Variants in GSTT4 observed in about 807,000 individuals in gnomAD.
The protein encoded by GSTT4 is glutathione S-transferase theta 4.
downstream of GSTT4, among the ~76,000 whole-genome samples, chr22:23,994,598 C>T (rs2034098080): frequency 6.7e-6 from 1 of 148,666 alleles, no homozygotes; most frequent in Non-Finnish European, 1.5e-5. Flanking sequence ...TATAACGGTA[C>T]TTCATCCCTT....
chr22:23,990,453 C>CAAA, the GSTT4 span, among the ~76,000 whole-genome samples: 4 of 29,972 alleles, frequency 1.3e-4, 1 homozygote, highest in East Asian at 5.6e-4. Context: ...CTACACACAC[C>CAAA]AAAAAAAAAA....
the GSTT4 span, among the ~76,000 whole-genome samples, chr22:23,993,053 G>T: frequency 7.2e-6 from 1 of 139,094 alleles, no homozygotes; most frequent in African/African-American, 2.6e-5. Flanking sequence ...GATTATAGGT[G>T]TGATCCACCA....
At chr22:23,994,508 T>G (rs390743), downstream of GSTT4, among the ~76,000 whole-genome samples, 97,382 of 140,970 alleles carry the variant, frequency 0.69, 32,726 homozygotes, top group African/African-American at 0.79. Context: ...CATTCAAATG[T>G]AATAATGAAA....
At chr22:24,001,881 C>T (rs1252053903) in intron 2 of GSTT4, among the ~76,000 whole-genome samples, 2 of 152,254 alleles carry the variant, frequency 1.3e-5, no homozygotes, top group Non-Finnish European at 2.9e-5. Context: ...ATCCCAGCTA[C>T]TTGGGAAGCT....
At chr22:23,994,295 A>G (rs1035751534), downstream of GSTT4, among the ~76,000 whole-genome samples, 5 of 151,972 alleles carry the variant, frequency 3.3e-5, no homozygotes, top group Non-Finnish European at 7.4e-5. Flanking sequence ...ATTGGTTTAA[A>G]GCCAATTCAG....
downstream of GSTT4, among the ~76,000 whole-genome samples, chr22:23,997,811 A>G (rs149900717): frequency 3.9e-3 from 589 of 152,212 alleles, 5 homozygotes; most frequent in Middle Eastern, 0.017. Flanking sequence ...ACAGCTATAA[A>G]TTTTGCTCTT....
At chr22:24,003,493 G>A (rs887833054) in intron 2 of GSTT4, among the ~76,000 whole-genome samples, 1 of 152,274 alleles carries the variant, frequency 6.6e-6, no homozygotes, top group Non-Finnish European at 1.5e-5. Context: ...AGAATTACAG[G>A]CATGAGCTGG....
chr22:23,992,257 C>T, the GSTT4 span, among the ~76,000 whole-genome samples: 8 of 141,918 alleles, frequency 5.6e-5, no homozygotes, highest in Admixed American at 7.3e-5. Flanking sequence ...GCTAACGCCT[C>T]CCCGAGATGG....
downstream of GSTT4, among the ~76,000 whole-genome samples, chr22:23,993,791 G>C (rs1196660041): frequency 6.6e-6 from 1 of 152,208 alleles, no homozygotes; most frequent in East Asian, 1.9e-4. Context: ...GCGATCACGT[G>C]ATATACAACA....
At chr22:24,001,777 G>A (rs2034235894) in intron 2 of GSTT4, among the ~76,000 whole-genome samples, 1 of 152,272 alleles carries the variant, frequency 6.6e-6, no homozygotes, top group Non-Finnish European at 1.5e-5. Context: ...CTTGAGGCCA[G>A]GAGTTGGAGA....
At chr22:23,996,469 TGTTA>T (rs1162133013), downstream of GSTT4, among the ~76,000 whole-genome samples, 1 of 152,098 alleles carries the variant, frequency 6.6e-6, no homozygotes, top group Non-Finnish European at 1.5e-5. Flanking sequence ...TGAAGTATGG[TGTTA>T]GTTATAGGTT....
At chr22:24,002,277 A>T (rs1368035679) in intron 2 of GSTT4, among the ~76,000 whole-genome samples, 2 of 151,404 alleles carry the variant, frequency 1.3e-5, no homozygotes, top group Non-Finnish European at 2.9e-5. Context: ...ATGGACAATG[A>T]GGGGGCCAGC....
At chr22:23,990,321 G>C in the GSTT4 span, among the ~76,000 whole-genome samples, 2 of 144,866 alleles carry the variant, frequency 1.4e-5, no homozygotes, top group Non-Finnish European at 3.1e-5. Context: ...AAGTGGAAGA[G>C]ACCCAGGGCC....
the GSTT4 span, among the ~76,000 whole-genome samples, chr22:23,989,391 C>A: frequency 7.5e-6 from 1 of 133,656 alleles, no homozygotes; most frequent in African/African-American, 2.6e-5. Context: ...CATCAGAGGG[C>A]CATCTTTCCT....
chr22:23,995,045 C>T (rs142143908), downstream of GSTT4, among the ~76,000 whole-genome samples: 180 of 152,290 alleles, frequency 1.2e-3, 1 homozygote, highest in African/African-American at 4.1e-3. Flanking sequence ...TCCCTCTGGG[C>T]TCTGGGCTTC....
chr22:23,992,587 C>T, the GSTT4 span, among the ~76,000 whole-genome samples: 1 of 150,992 alleles, frequency 6.6e-6, no homozygotes, highest in Non-Finnish European at 1.5e-5. Context: ...CTGTTGCCAT[C>T]TTAACATTCT....
At chr22:23,992,782 C>CTT in the GSTT4 span, among the ~76,000 whole-genome samples, 126 of 145,142 alleles carry the variant, frequency 8.7e-4, no homozygotes, top group East Asian at 1.8e-3. Context: ...CTCTACTATT[C>CTT]TTTTTTTTTT....
At chr22:24,005,153 T>G (rs1419666281) in intron 1 of GSTT4, 92 bp downstream of exon 1, 1 of 51,936 alleles carries the variant, frequency 1.9e-5, no homozygotes, top group African/African-American at 6.3e-5. Context: ...AGAGCGAGAC[T>G]CCATCAAAAA....
At chr22:23,996,314 A>G (rs2034114452), downstream of GSTT4, among the ~76,000 whole-genome samples, 1 of 152,022 alleles carries the variant, frequency 6.6e-6, no homozygotes. Flanking sequence ...GTGAATAGAG[A>G]TGGTTTTACT....
Sources: gnomAD v4.1 joint callset for allele counts (sites outside exome capture counted in the v4.1 genomes callset) on GRCh38, gnomAD v4.1.1 for gene constraint, MANE v1.5 for transcripts, NCBI Gene and HGNC (gene_info 2026-07-23, HGNC 2026-07-21) for gene names.